The following FAP variants were observed in gnomAD, a reference collection of about 807,000 sequenced individuals.
The protein encoded by FAP is prolyl endopeptidase FAP.
In FAP, 110 loss-of-function variants were observed where a neutral mutation model predicts 126.5. That is an observed-to-expected ratio of 0.87 (90% CI 0.74 to 1.02). FAP has a LOEUF of 1.02. Among genes scored for constraint, FAP ranks in the 50% least tolerant of loss-of-function variants. The pLI, the probability that FAP is intolerant of heterozygous loss-of-function variation, is 0.00. For synonymous variants in FAP, 334 were observed against 297.3 expected (o/e 1.12, Z -1.27); for missense variants, 919 against 909.2 (o/e 1.01, Z -0.14).
intron 2 of FAP, among the ~76,000 whole-genome samples, chr2:162,235,958 T>C (rs935217636): frequency 6.6e-6 from 1 of 152,128 alleles, no homozygotes; most frequent in African/African-American, 2.4e-5. Flanking sequence ...TTTTTGTAGG[T>C]GTCTTTGATA....
At chr2:162,211,910 TGC>T (rs1008323900) in intron 11 of FAP, among the ~76,000 whole-genome samples, 1 of 152,058 alleles carries the variant, frequency 6.6e-6, no homozygotes, top group Admixed American at 6.6e-5. Flanking sequence ...TCAAAGTGTG[TGC>T]GCACACACAC....
intron 2 of FAP, among the ~76,000 whole-genome samples, chr2:162,229,501 C>G (rs947398003): frequency 1.3e-5 from 2 of 152,074 alleles, no homozygotes; most frequent in Non-Finnish European, 2.9e-5. Flanking sequence ...TATACTTGAA[C>G]ATTTTGTCTA....
chr2:162,186,692 T>C (rs1049336382), intron 20 of FAP, among the ~76,000 whole-genome samples: 1 of 152,108 alleles, frequency 6.6e-6, no homozygotes, highest in African/African-American at 2.4e-5. Flanking sequence ...ATAATTTTCA[T>C]CTCTGTTTTC....
At chr2:162,233,169 A>G (rs1391104451) in intron 2 of FAP, among the ~76,000 whole-genome samples, 2 of 152,168 alleles carry the variant, frequency 1.3e-5, no homozygotes, top group African/African-American at 4.8e-5. Context: ...AAGCACTTCA[A>G]AATCAATATG....
At chr2:162,197,376 A>T (rs529525831) in intron 16 of FAP, among the ~76,000 whole-genome samples, 3 of 152,206 alleles carry the variant, frequency 2.0e-5, no homozygotes, top group Non-Finnish European at 2.9e-5. Context: ...CCTGGCATGT[A>T]AGCTTTCAAT....
intron 21 of FAP, among the ~76,000 whole-genome samples, chr2:162,182,958 A>C (rs909913273): frequency 6.6e-6 from 1 of 152,246 alleles, no homozygotes; most frequent in Non-Finnish European, 1.5e-5. Context: ...TGCCAAATAA[A>C]AAGAAACAAA....
At chr2:162,212,720 A>G (rs1057419822) in intron 11 of FAP, among the ~76,000 whole-genome samples, 1 of 152,130 alleles carries the variant, frequency 6.6e-6, no homozygotes, top group African/African-American at 2.4e-5. Context: ...TGATTATTCT[A>G]TATTTGTTTT....
At chr2:162,210,026 G>A (rs749007771) in intron 11 of FAP, 30 bp from the exon 12 acceptor site, 51 of 1,599,868 alleles carry the variant, frequency 3.2e-5, no homozygotes, top group Non-Finnish European at 4.1e-5. Context: ...ATCGAACATA[G>A]TATTAGGAGA....
intron 6 of FAP, 82 bp from the exon 7 acceptor site, chr2:162,220,007 A>G (rs1196315942): frequency 2.1e-6 from 2 of 953,406 alleles, no homozygotes; most frequent in East Asian, 4.9e-5. Flanking sequence ...CAGAAAAAAT[A>G]AACAAACAAT....
At chr2:162,237,318 C>T (rs1690177453) in intron 2 of FAP, among the ~76,000 whole-genome samples, 1 of 152,172 alleles carries the variant, frequency 6.6e-6, no homozygotes, top group Admixed American at 6.5e-5. Flanking sequence ...TTGCTGCACC[C>T]ATCAACCCGT....
chr2:162,194,677 T>G, intron 17 of FAP, 24 bp downstream of exon 17: 1 of 1,609,784 alleles, frequency 6.2e-7, no homozygotes, highest in East Asian at 2.2e-5. Flanking sequence ...TGAGACAAGA[T>G]AGATAACATG....
chr2:162,210,496 A>T (rs946691631), intron 11 of FAP, among the ~76,000 whole-genome samples: 4 of 152,240 alleles, frequency 2.6e-5, no homozygotes, highest in African/African-American at 9.6e-5. Flanking sequence ...AGAACATTCT[A>T]GGTAAAATAA....
At chr2:162,225,656 T>C (rs1187095407) in intron 3 of FAP, 79 bp from the exon 4 acceptor site, 2 of 1,394,626 alleles carry the variant, frequency 1.4e-6, no homozygotes, top group African/African-American at 2.9e-5. Flanking sequence ...AACCTCTCTA[T>C]TTCACAGACC....
In FAP at chr2:162,198,845, A is replaced by G. The variant is rs1688375473; in HGVS notation, c.1314T>C (p.Cys438=). ...SIGSYPPSKK[C]VTCHLRKERC... ...TTTCTTTCCTTAGATGGCAAGTAAC[A>G]CACTTCTTGCTTGGAGGATAGCTTC... Residue 438 remains cysteine, a synonymous_variant, in exon 16 of 26, where the codon TGT becomes TGC. Transcript: ENST00000188790. 1.2e-6 allele frequency: 2 copies of G among 1,613,340 alleles called. No individual in the cohort carries two copies. The highest frequency in any genetic ancestry group is 2.2e-5 in the East Asian group (1 of 44,882).
Position 162,242,987 on chromosome 2 carries a change from C to G in FAP, c.12G>C (p.Trp4Cys). The G allele has an allele frequency of 6.2e-7, 1 of 1,611,128 alleles. No individual in the cohort carries two copies. The highest frequency in any genetic ancestry group is 8.5e-7 in the Non-Finnish European group (1 of 1,178,204). ...TGGCAACTCCAAATACGATTTTTAC[C>G]CAAGTCTACATAAAATAAAGAGAAT... MKTWVKIVFGVATS... is the reference protein window; with the variant it reads MKTCVKIVFGVATS... Residue 4 changes from tryptophan to cysteine, a missense_variant, in exon 2 of 26, where the codon TGG (tryptophan) becomes TGC (cysteine). By Grantham distance (215) the Trp-to-Cys change is radical. Transcript: ENST00000188790.
chr2:162,218,797 C>A (rs1206080789), intron 8 of FAP, among the ~76,000 whole-genome samples: 3 of 151,940 alleles, frequency 2.0e-5, no homozygotes, highest in Non-Finnish European at 4.4e-5. Context: ...ACTAATGCGG[C>A]ACCTGAGGAC....
chr2:162,179,245 GT>G (rs10708873), intron 21 of FAP, among the ~76,000 whole-genome samples: 80,913 of 108,798 alleles, frequency 0.74, 28,411 homozygotes, highest in Middle Eastern at 0.83. Flanking sequence ...AACTTGACAG[GT>G]TTTTTTTTTT....
chr2:162,181,053 T>C (rs1236318672), intron 21 of FAP, among the ~76,000 whole-genome samples: 1 of 152,132 alleles, frequency 6.6e-6, no homozygotes, highest in African/African-American at 2.4e-5. Context: ...GGTAAGTGAA[T>C]TGCTTGAGCC....
At chr2:162,230,014 C>T (rs879076664) in intron 2 of FAP, among the ~76,000 whole-genome samples, 1 of 152,124 alleles carries the variant, frequency 6.6e-6, no homozygotes, top group South Asian at 2.1e-4. Context: ...GGATTTCAGG[C>T]ACAGATTGGG....
Sources: gnomAD v4.1 joint callset for allele counts (sites outside exome capture counted in the v4.1 genomes callset) on GRCh38, gnomAD v4.1.1 for gene constraint, MANE v1.5 for transcripts, NCBI Gene and HGNC (gene_info 2026-07-23, HGNC 2026-07-21) for gene names.